RPS6KA2: variants seen among roughly 807,000 people sequenced by gnomAD.
The protein encoded by RPS6KA2 is ribosomal protein S6 kinase alpha-2.
RPS6KA2 carries 42 observed loss-of-function variants against 91.8 expected under a neutral mutation model. That is an observed-to-expected ratio of 0.46 (90% CI 0.36 to 0.59). The LOEUF is 0.59. RPS6KA2 is among the 20% of genes least tolerant of loss of function. The pLI is 0.00. For synonymous variants in RPS6KA2, 414 were observed against 393.6 expected (o/e 1.05, Z -0.61); for missense variants, 798 against 978.5 (o/e 0.82, Z 2.46).
chr6:166,656,654 C>G (rs1221872753), intron 2 of RPS6KA2, among the ~76,000 whole-genome samples: 1 of 152,224 alleles, frequency 6.6e-6, no homozygotes, highest in Non-Finnish European at 1.5e-5. Flanking sequence ...TCCCGGAGCT[C>G]CCAGCTGAGG....
At position 166,644,341 on chromosome 6, in the gene RPS6KA2, C is replaced by T. The variant is rs112847069; in HGVS notation, c.124-105557G>A. On this transcript the variant is annotated intron_variant, in intron 2 of 21. Coordinates refer to the RPS6KA2 transcript ENST00000503859. ...CCTGAAGTTCAACACAGGGAAAAGCCCACATTTCTTCAAATCAATGTGCGT... is the reference window on the plus strand; with the variant it reads ...CCTGAAGTTCAACACAGGGAAAAGCTCACATTTCTTCAAATCAATGTGCGT... Among the ~76,000 whole-genome samples the T allele has an allele frequency of 1.8e-3, 280 of 152,172 alleles. 1 individual carries two copies. Among genetic ancestry groups the T allele is most frequent in the African/African-American group, 6.3e-3 (261 of 41,498 alleles).
intron 2 of RPS6KA2, among the ~76,000 whole-genome samples, chr6:166,787,311 C>T (rs571892574): frequency 2.1e-4 from 32 of 151,876 alleles, no homozygotes; most frequent in Admixed American, 1.6e-3. Context: ...AAAACTCTAG[C>T]TGCTTTTAAA....
chr6:166,485,486 AC>A, intron 10 of RPS6KA2, among the ~76,000 whole-genome samples: 1 of 152,274 alleles, frequency 6.6e-6, no homozygotes, highest in Non-Finnish European at 1.5e-5. Flanking sequence ...CAGAAGGATT[AC>A]ATCCACATTG....
chr6:166,528,162 T>C (rs1489036118), intron 3 of RPS6KA2, among the ~76,000 whole-genome samples: 2 of 152,236 alleles, frequency 1.3e-5, no homozygotes, highest in Non-Finnish European at 2.9e-5. Context: ...CAGATGATCC[T>C]GCACTAACAA....
At position 166,418,681 on chromosome 6, in the gene RPS6KA2, G is replaced by T. The variant is rs897046023; in HGVS notation, c.1821-339C>A. Among the ~76,000 whole-genome samples, 24 of 152,244 alleles carry T rather than the reference G, an allele frequency of 1.6e-4. No individual in the cohort carries two copies. Among genetic ancestry groups the T allele is most frequent in the Non-Finnish European group, 3.4e-4 (23 of 68,046 alleles). On this transcript the variant is annotated intron_variant, in intron 18 of 20. Transcript: ENST00000265678. This position sits in a 1 kb window ranked among gnomAD's most constrained non-coding sequence, Gnocchi z 4.9. The stretch of plus-strand genomic sequence containing the variant: ...GGTGATGGTGTGGCATCATGCGAGA[G>T]AGCCTGAGACGTGGAGTCTGAGAGA...
intron 2 of RPS6KA2, among the ~76,000 whole-genome samples, chr6:166,781,459 G>T (rs537750749): frequency 4.2e-4 from 64 of 152,288 alleles, no homozygotes; most frequent in African/African-American, 1.4e-3. Context: ...GCAGGACTTC[G>T]CTCTCTTTGG....
intron 2 of RPS6KA2, chr6:166,857,971 C>T (rs1301215831): frequency 7.4e-6 from 4 of 540,054 alleles, no homozygotes; most frequent in African/African-American, 1.9e-5. Flanking sequence ...GACAGCCTTC[C>T]GTCCTATGCT....
intron 2 of RPS6KA2, among the ~76,000 whole-genome samples, chr6:166,690,779 T>G (rs1338426453): frequency 1.3e-5 from 2 of 152,144 alleles, no homozygotes; most frequent in Non-Finnish European, 2.9e-5. Flanking sequence ...CACCATCTAC[T>G]TAGCAAACAC....
chr6:166,412,692 G>C lies in RPS6KA2; in HGVS notation c.*70C>G. ...TTGTGGTCACTCTGGGTGCCAGACGGGCTCCGAGGCCGGGGTCTGTGAGCC... is the reference window on the plus strand; with the variant it reads ...TTGTGGTCACTCTGGGTGCCAGACGCGCTCCGAGGCCGGGGTCTGTGAGCC... On this transcript the variant is annotated 3_prime_UTR_variant, in exon 21 of 21. Transcript: ENST00000265678. This position sits in a 1 kb window ranked among gnomAD's most constrained non-coding sequence, Gnocchi z 4.3. The C allele has an allele frequency of 4.1e-6, 6 of 1,462,744 alleles. No individual in the cohort carries two copies. The highest frequency in any genetic ancestry group is 5.5e-6 in the Non-Finnish European group (6 of 1,092,452). 90.6% of individuals were successfully genotyped at this position (1,462,744 alleles called of 1,614,324 possible). A position where few individuals can be genotyped will look rare whatever the true frequency, so the allele number is the denominator to read the frequency against.
At chr6:166,680,427 G>A (rs1239429454) in intron 2 of RPS6KA2, among the ~76,000 whole-genome samples, 2 of 152,214 alleles carry the variant, frequency 1.3e-5, no homozygotes, top group Non-Finnish European at 2.9e-5. Context: ...CCCCAGCCAG[G>A]AGACCTACCT....
intron 2 of RPS6KA2, among the ~76,000 whole-genome samples, chr6:166,698,063 G>T (rs1399441818): frequency 6.6e-6 from 1 of 152,226 alleles, no homozygotes; most frequent in East Asian, 1.9e-4. Flanking sequence ...TAAGGACTGG[G>T]GTCCGGCTGG....
intron 1 of RPS6KA2, among the ~76,000 whole-genome samples, chr6:166,574,298 A>G (rs1247594812): frequency 6.6e-6 from 1 of 152,132 alleles, no homozygotes; most frequent in African/African-American, 2.4e-5. Flanking sequence ...GTAGTTTTTA[A>G]GTTCACATGC....
intron 2 of RPS6KA2, among the ~76,000 whole-genome samples, chr6:166,771,296 T>G (rs1017760026): frequency 6.6e-6 from 1 of 152,174 alleles, no homozygotes; most frequent in Non-Finnish European, 1.5e-5. Context: ...GACTCTAAAC[T>G]CTAGTCTATG....
intron 14 of RPS6KA2, among the ~76,000 whole-genome samples, chr6:166,441,313 G>A (rs930415628): frequency 1.1e-4 from 16 of 152,178 alleles, no homozygotes; most frequent in Non-Finnish European, 2.9e-5. Context: ...TCTTGAGATG[G>A]TTCATGTTGC....
intron 2 of RPS6KA2, chr6:166,702,442 CTAGCTT>C: frequency 1.3e-6 from 2 of 1,579,114 alleles, no homozygotes; most frequent in Non-Finnish European, 1.7e-6. Flanking sequence ...TAGCGCTTGT[CTAGCTT>C]GGTCCTTACT....
rs1041927237 is a variant in RPS6KA2, at chr6:166,690,468, C to A, written c.124-151684G>T. ...CAGACAGTCTGAGCCACCTGCGTGG[C>A]TAGAATTATGTCTCAAGGTGCCAAA... On this transcript the variant is annotated intron_variant, in intron 2 of 21. Coordinates refer to the RPS6KA2 transcript ENST00000503859. Among the ~76,000 whole-genome samples the A allele has an allele frequency of 2.0e-5, 3 of 152,220 alleles. No homozygotes were observed. The East Asian group carries it at 5.8e-4, about 29-fold the overall frequency.
intron 2 of RPS6KA2, among the ~76,000 whole-genome samples, chr6:166,855,915 A>G (rs1482583442): frequency 6.6e-6 from 1 of 152,236 alleles, no homozygotes; most frequent in Non-Finnish European, 1.5e-5. Flanking sequence ...ATCCAGATAC[A>G]GTAAGCATCA....
At position 166,648,055 on chromosome 6, in the gene RPS6KA2, T is replaced by C. The variant is rs763192; in HGVS notation, c.124-109271A>G. On this transcript the variant is annotated intron_variant, in intron 2 of 21. Coordinates refer to the RPS6KA2 transcript ENST00000503859. This position sits in a 1 kb window ranked among gnomAD's most constrained non-coding sequence, Gnocchi z 4.8. ...ACACATGCTCTCACACACATGCACATGCTCACACACATGCACACGCACATG... is the reference window on the plus strand; with the variant it reads ...ACACATGCTCTCACACACATGCACACGCTCACACACATGCACACGCACATG... Among the ~76,000 whole-genome samples, 2 of 141,012 alleles carry C rather than the reference T, an allele frequency of 1.4e-5. No homozygotes were observed. Among genetic ancestry groups the C allele is most frequent in the South Asian group, 2.3e-4 (1 of 4,342 alleles). 92.5% of individuals were successfully genotyped at this position (141,012 alleles called of 152,430 possible).
intron 3 of RPS6KA2, among the ~76,000 whole-genome samples, chr6:166,529,264 G>A (rs11962002): frequency 6.6e-6 from 1 of 152,080 alleles, no homozygotes; most frequent in African/African-American, 2.4e-5. Context: ...AGTTCATATG[G>A]TTTGTAGGGA....
Sources: allele counts gnomAD v4.1 joint callset (sites outside exome capture counted in the v4.1 genomes callset), GRCh38; gene constraint gnomAD v4.1.1; non-coding constraint Gnocchi (gnomAD v3.1); transcripts MANE v1.5; gene names NCBI Gene and HGNC (gene_info 2026-07-23, HGNC 2026-07-21).